The following SOCS4 variants were observed in gnomAD, a reference collection of about 807,000 sequenced individuals.
SOCS4 encodes SH2 domain containing SOCS box protein.
Under a neutral mutation model 34.1 loss-of-function variants are expected in SOCS4, and 20 were observed. The observed-to-expected ratio is 0.59, with a 90% CI of 0.41 to 0.85. The LOEUF is 0.85. SOCS4 is among the 40% of genes least tolerant of loss of function. The pLI is 0.00. For missense variants in SOCS4, 479 were observed against 532.4 expected (o/e 0.90, Z 0.99); for synonymous variants, 180 against 186.4 (o/e 0.97, Z 0.28).
intron 2 of SOCS4, among the ~76,000 whole-genome samples, chr14:55,038,159 G>A (rs2042589167): frequency 6.6e-6 from 1 of 152,182 alleles, no homozygotes; most frequent in South Asian, 2.1e-4. Flanking sequence ...AAAACCATCA[G>A]ATCTCAAGAG....
Position 55,044,364 on chromosome 14 carries a change from G to C in SOCS4, c.1323G>C (p.Ter441TyrextTer1). The change falls in exon 3 of 3, where the codon TAG (stop) becomes TAC (tyrosine). Residue 441 changes from the stop codon to tyrosine (Y), a stop_lost. Transcript: ENST00000555846. ...LRIDAPEQQC[*>Y] The stretch of plus-strand genomic sequence containing the variant: ...TTGATGCACCAGAACAGCAATGCTA[G>C]TAACAGGATGGGAACATGGGAATGA... 3 of 1,592,302 alleles carry C rather than the reference G, an allele frequency of 1.9e-6. No homozygotes were observed. The highest frequency in any genetic ancestry group is 1.7e-6 in the Non-Finnish European group (2 of 1,167,296).
intron 2 of SOCS4, among the ~76,000 whole-genome samples, chr14:55,033,583 T>C (rs181425618): frequency 2.6e-5 from 4 of 152,146 alleles, no homozygotes; most frequent in Non-Finnish European, 4.4e-5. Context: ...TTTTAAAAAA[T>C]ATATCTATCT....
At chr14:55,041,105 C>T (rs889785262) in intron 2 of SOCS4, among the ~76,000 whole-genome samples, 2 of 152,044 alleles carry the variant, frequency 1.3e-5, no homozygotes, top group Admixed American at 6.5e-5. Context: ...CCAGGCTGGT[C>T]CCAAAGTCAG....
In SOCS4 at chr14:55,045,742, G is replaced by A. The variant is rs1273171913; in HGVS notation, c.*1378G>A. On this transcript the variant is annotated 3_prime_UTR_variant, in exon 3 of 3. Coordinates refer to ENST00000555846, the MANE Select transcript of SOCS4 (RefSeq NM_199421.2). The stretch of plus-strand genomic sequence containing the variant: ...ATAGACAATTTTCTTCTGGTGAGCT[G>A]TCTAACCCTTTGTACACATTGACAT... 1.8e-5 allele frequency: 3 copies of A among 166,870 alleles called. No homozygotes were observed. Among genetic ancestry groups the A allele is most frequent in the Non-Finnish European group, 2.9e-5 (2 of 68,004 alleles). The allele number at this position is 166,870 out of a possible 1,614,324, so 10.3% of individuals were successfully genotyped here. A position where few individuals can be genotyped will look rare whatever the true frequency, so the allele number is the denominator to read the frequency against.
At chr14:55,040,521 G>T (rs907093564) in intron 2 of SOCS4, among the ~76,000 whole-genome samples, 3 of 152,214 alleles carry the variant, frequency 2.0e-5, no homozygotes, top group Admixed American at 1.3e-4. Flanking sequence ...CAGGCAGGCA[G>T]ATCACAAGGT....
chr14:55,034,544 A>C (rs1423727076), intron 2 of SOCS4, among the ~76,000 whole-genome samples: 1 of 152,150 alleles, frequency 6.6e-6, no homozygotes, highest in Non-Finnish European at 1.5e-5. Flanking sequence ...CTAATCAGAA[A>C]GTTTTCAGGC....
intron 2 of SOCS4, among the ~76,000 whole-genome samples, chr14:55,038,302 C>A (rs1242279359): frequency 6.6e-6 from 1 of 152,166 alleles, no homozygotes; most frequent in Non-Finnish European, 1.5e-5. Flanking sequence ...CAAACAATAT[C>A]AAGTCTGATA....
Position 55,046,385 on chromosome 14 carries a change from T to C in SOCS4, c.*2021T>C, listed in dbSNP as rs1026370471. ...TTCTGTTTCTGTGAAACAATTATTT[T>C]AAATATTTTTCTTTTAAAAATAACT... On this transcript the variant is annotated 3_prime_UTR_variant, in exon 3 of 3. Coordinates refer to ENST00000555846, the MANE Select transcript of SOCS4 (RefSeq NM_199421.2). The C allele has an allele frequency of 1.2e-5, 2 of 166,914 alleles. No individual in the cohort carries two copies. The highest frequency in any genetic ancestry group is 2.9e-5 in the Non-Finnish European group (2 of 68,036). The allele number at this position is 166,914 out of a possible 1,614,324, so 10.3% of individuals were successfully genotyped here.
At position 55,044,479 on chromosome 14, in the gene SOCS4, T is replaced by C; in HGVS notation, c.*115T>C. The C allele has an allele frequency of 2.6e-6, 2 of 763,648 alleles. No individual in the cohort carries two copies. The highest frequency in any genetic ancestry group is 3.7e-6 in the Non-Finnish European group (2 of 545,250). The allele number at this position is 763,648 out of a possible 1,614,324, so 47.3% of individuals were successfully genotyped here. On this transcript the variant is annotated 3_prime_UTR_variant, in exon 3 of 3. Transcript: ENST00000555846. ...AGGCAGTGGTGTCCAAAATAAAATC[T>C]CTGCCCTAAATTTTACTAATAAATC... is the stretch of plus-strand genomic sequence containing the variant.
chr14:55,040,055 C>T (rs369886549), intron 2 of SOCS4, among the ~76,000 whole-genome samples: 2 of 152,186 alleles, frequency 1.3e-5, no homozygotes, highest in African/African-American at 4.8e-5. Flanking sequence ...GCATTTCAAA[C>T]CTTATTAATA....
Position 55,043,482 on chromosome 14 carries a change from T to TA in SOCS4, c.444dup (p.Arg149ThrfsTer12). The stretch of plus-strand genomic sequence containing the variant: ...ATTTAGCCTTTAGGTGGCATTTTAT[T>TA]AAACGACACACTGCTCCTATAAATT... On this transcript the variant is annotated frameshift_variant, in exon 3 of 3. Coordinates refer to ENST00000555846, the MANE Select transcript of SOCS4 (RefSeq NM_199421.2). LOFTEE classifies it high-confidence loss of function. 1 of 1,614,190 alleles carries TA rather than the reference T, an allele frequency of 6.2e-7. No individual in the cohort carries two copies. Among genetic ancestry groups the TA allele is most frequent in the African/African-American group, 1.3e-5 (1 of 75,054 alleles).
intron 2 of SOCS4, among the ~76,000 whole-genome samples, chr14:55,033,963 G>C (rs1440533083): frequency 6.6e-6 from 1 of 152,146 alleles, no homozygotes; most frequent in Non-Finnish European, 1.5e-5. Flanking sequence ...GTGAAACCCT[G>C]TCTCTACTAA....
intron 2 of SOCS4, among the ~76,000 whole-genome samples, chr14:55,033,245 TAA>T (rs1042481414): frequency 2.0e-5 from 3 of 152,156 alleles, no homozygotes; most frequent in East Asian, 1.9e-4. Flanking sequence ...TTCATAACAA[TAA>T]AAATAATTTT....
In SOCS4 at chr14:55,048,412, AG is replaced by A. The variant is rs1347092384; in HGVS notation, c.*4050del. The A allele has an allele frequency of 6.0e-6, 1 of 167,088 alleles. No individual in the cohort carries two copies. Among genetic ancestry groups the A allele is most frequent in the Non-Finnish European group, 1.5e-5 (1 of 68,126 alleles). 10.4% of individuals were successfully genotyped at this position (167,088 alleles called of 1,614,324 possible). Reference sequence around the variant, plus strand: ...AAAGCAAAATAGCCTGTGTAATGTTAGGTAATGTAATGCCCAAGTGAATAAA... The same window carrying A: ...AAAGCAAAATAGCCTGTGTAATGTTAGTAATGTAATGCCCAAGTGAATAAA... On this transcript the variant is annotated 3_prime_UTR_variant, in exon 3 of 3. Coordinates refer to ENST00000555846, the MANE Select transcript of SOCS4 (RefSeq NM_199421.2).
intron 2 of SOCS4, among the ~76,000 whole-genome samples, chr14:55,034,663 C>A (rs1355682446): frequency 6.6e-6 from 1 of 151,788 alleles, no homozygotes; most frequent in Non-Finnish European, 1.5e-5. Flanking sequence ...GAAACCCCGT[C>A]TCTACTAAAA....
In SOCS4 at chr14:55,045,317, A is replaced by G. The variant is rs1190321487; in HGVS notation, c.*953A>G. 1 of 167,032 alleles carries G rather than the reference A, an allele frequency of 6.0e-6. No individual in the cohort carries two copies. The highest frequency in any genetic ancestry group is 2.4e-5 in the African/African-American group (1 of 41,454). 10.3% of individuals were successfully genotyped at this position (167,032 alleles called of 1,614,324 possible). A position where few individuals can be genotyped will look rare whatever the true frequency, so the allele number is the denominator to read the frequency against. ...AGCTGTTACTTTGGGGAAATTCCAC[A>G]ATGTATTAGCAGCCACAAATTTCCA... On this transcript the variant is annotated 3_prime_UTR_variant, in exon 3 of 3. Transcript: ENST00000555846.
rs918931075 is a variant in SOCS4 at position 55,045,986 on chromosome 14, A to G, written c.*1622A>G. On this transcript the variant is annotated 3_prime_UTR_variant, in exon 3 of 3. Transcript: ENST00000555846. ...GCTTTAAAATAATTTTTTAGTAATTATTACAAAATTAAGGAAAATCTCTAT... is the reference window on the plus strand; with the variant it reads ...GCTTTAAAATAATTTTTTAGTAATTGTTACAAAATTAAGGAAAATCTCTAT... The G allele has an allele frequency of 6.0e-6, 1 of 166,806 alleles. No individual in the cohort carries two copies. Among genetic ancestry groups the G allele is most frequent in the Admixed American group, 6.5e-5 (1 of 15,268 alleles). 10.3% of individuals were successfully genotyped at this position (166,806 alleles called of 1,614,324 possible).
chr14:55,048,571 G>A lies in SOCS4; in HGVS notation c.*4207G>A, dbSNP rs989233426. On this transcript the variant is annotated 3_prime_UTR_variant, in exon 3 of 3. Transcript: ENST00000555846. ...ATTAATGGCCTACTAGAAATGAGCA[G>A]TGCAAGAGTCTACCTGTACTATTCT... is the stretch of plus-strand genomic sequence containing the variant. 3.6e-5 allele frequency: 6 copies of A among 167,014 alleles called. No homozygotes were observed. Among genetic ancestry groups the A allele is most frequent in the Non-Finnish European group, 8.8e-5 (6 of 68,118 alleles). The allele number at this position is 167,014 out of a possible 1,614,324, so 10.3% of individuals were successfully genotyped here.
intron 2 of SOCS4, among the ~76,000 whole-genome samples, chr14:55,041,783 CTTTTTTTTTTTTT>C (rs35998700): frequency 2.0e-4 from 8 of 40,052 alleles, no homozygotes; most frequent in Admixed American, 3.5e-4. Flanking sequence ...AACCCTTAAT[CTTTTTTTTTTTTT>C]TTTTTTTTTT....
Sources: allele counts gnomAD v4.1 joint callset (sites outside exome capture counted in the v4.1 genomes callset), GRCh38; gene constraint gnomAD v4.1.1; transcripts MANE v1.5; gene names NCBI Gene and HGNC (gene_info 2026-07-23, HGNC 2026-07-21).